The following VPS39 variants were observed in gnomAD, a reference collection of about 807,000 sequenced individuals.
The protein encoded by VPS39 is VPS39 subunit of HOPS complex, also known as vam6/Vps39-like protein.
Under a neutral mutation model 121.0 loss-of-function variants are expected in VPS39, and 70 were observed. The ratio of observed to expected loss-of-function variants is 0.58; its 90% confidence interval spans 0.48 to 0.71. The LOEUF (loss-of-function observed/expected upper bound fraction) is 0.71, where lower values mean the gene tolerates loss of function less well. Among genes scored for constraint, VPS39 ranks in the 30% least tolerant of loss-of-function variants. The pLI, the probability that VPS39 is intolerant of heterozygous loss-of-function variation, is 0.00. For missense variants in VPS39, 818 were observed against 1,051.5 expected, an observed-to-expected ratio of 0.78 and a Z score of 3.07; for synonymous variants, 378 against 398.1, an observed-to-expected ratio of 0.95 and a Z score of 0.60.
At chr15:42,183,793 G>T (rs1006470125) in intron 8 of VPS39, among the ~76,000 whole-genome samples, 3 of 152,028 alleles carry the variant, frequency 2.0e-5, no homozygotes, top group African/African-American at 7.3e-5. Context: ...CTTTATCCAA[G>T]ACTGTAACCC....
intron 11 of VPS39, 90 bp downstream of exon 11, chr15:42,173,633 A>T: frequency 6.6e-7 from 1 of 1,522,552 alleles, no homozygotes; most frequent in East Asian, 2.3e-5. Context: ...AACCTTCTCC[A>T]TTCTCAGAAG....
chr15:42,207,516 T>C (rs1004657565), intron 1 of VPS39, among the ~76,000 whole-genome samples: 2 of 152,200 alleles, frequency 1.3e-5, no homozygotes, highest in Admixed American at 6.5e-5. Context: ...TTAGGTAACT[T>C]GGACACTTTG....
chr15:42,185,146 G>A (rs994545947), intron 7 of VPS39, among the ~76,000 whole-genome samples: 1 of 150,858 alleles, frequency 6.6e-6, no homozygotes, highest in African/African-American at 2.4e-5. Context: ...TGTCTTAGAT[G>A]CTTATTCAAA....
chr15:42,176,364 T>G (rs2049451591), intron 10 of VPS39, among the ~76,000 whole-genome samples: 1 of 152,098 alleles, frequency 6.6e-6, no homozygotes, highest in Non-Finnish European at 1.5e-5. Flanking sequence ...ATATATATTT[T>G]AAACGTATAC....
At chr15:42,174,933 C>A (rs920728604) in intron 10 of VPS39, among the ~76,000 whole-genome samples, 6 of 151,960 alleles carry the variant, frequency 3.9e-5, no homozygotes, top group Admixed American at 2.6e-4. Context: ...AAGATCACGC[C>A]ACTGTACTCC....
chr15:42,163,867 G>A (rs1302352355), intron 19 of VPS39, 139 bp from the exon 20 acceptor site: 1 of 645,800 alleles, frequency 1.5e-6, no homozygotes, highest in Non-Finnish European at 2.6e-6. Context: ...TTTCTTCAAG[G>A]AGAAAATAAC....
chr15:42,186,361 A>T (rs967108162), intron 7 of VPS39, among the ~76,000 whole-genome samples: 4 of 151,958 alleles, frequency 2.6e-5, no homozygotes, highest in African/African-American at 9.7e-5. Flanking sequence ...GGACTGCTTG[A>T]GCCCAGGAGA....
At chr15:42,179,602 TAAATAAATA>T (rs1187950133) in intron 8 of VPS39, among the ~76,000 whole-genome samples, 2,246 of 120,222 alleles carry the variant, frequency 0.019, 75 homozygotes, top group African/African-American at 0.066. Context: ...AATAAATAAA[TAAATAAATA>T]AATAAATAAA....
chr15:42,170,189 A>C (rs1323333650), intron 11 of VPS39, among the ~76,000 whole-genome samples: 1 of 152,170 alleles, frequency 6.6e-6, no homozygotes, highest in Non-Finnish European at 1.5e-5. Context: ...AGTAGAAGAG[A>C]TCAAGAGACT....
chr15:42,192,260 A>T (rs1237752597), intron 2 of VPS39, among the ~76,000 whole-genome samples: 2 of 152,176 alleles, frequency 1.3e-5, no homozygotes, highest in Admixed American at 1.3e-4. Context: ...CAATAACTAC[A>T]TACTGGGTTC....
chr15:42,193,784 CTAACTT>C (rs1215348550), intron 2 of VPS39, among the ~76,000 whole-genome samples: 1 of 151,300 alleles, frequency 6.6e-6, no homozygotes, highest in Non-Finnish European at 1.5e-5. Context: ...CTTAAAAGCT[CTAACTT>C]TATCATTCAC....
chr15:42,192,863 C>A (rs1013110903), intron 2 of VPS39, among the ~76,000 whole-genome samples: 12 of 152,050 alleles, frequency 7.9e-5, no homozygotes, highest in African/African-American at 2.9e-4. Context: ...ACTGCAACAT[C>A]CACCTCCCGG....
At position 42,182,786 on chromosome 15, in the gene VPS39, A is replaced by G. The variant is rs571568983; in HGVS notation, c.718+1731T>C. ...CTTTCTTCAGCAGTAAGACACAGAC[A>G]TGGTTTTGAGAAGCACTGATGAAGG... On this transcript the variant is annotated intron_variant, in intron 8 of 24. Transcript: ENST00000318006. 1.1e-4 allele frequency among the ~76,000 whole-genome samples: 16 copies of G among 152,238 alleles called. 1 individual carries two copies. Among genetic ancestry groups the G allele is most frequent in the Non-Finnish European group, 2.4e-4 (16 of 68,038 alleles).
chr15:42,178,844 C>T (rs1286542027), intron 8 of VPS39: 1 of 355,854 alleles, frequency 2.8e-6, no homozygotes, highest in African/African-American at 2.0e-5. Context: ...TCAACAAAAA[C>T]ATTTATTAAA....
intron 12 of VPS39, 136 bp from the exon 13 acceptor site, chr15:42,167,673 C>A (rs574254166): frequency 4.5e-6 from 5 of 1,116,588 alleles, no homozygotes; most frequent in East Asian, 4.9e-5. Context: ...ATTTTTAGCA[C>A]TGCCAAATTG....
Position 42,187,269 on chromosome 15 carries a change from A to G in VPS39, c.534+2T>C. On this transcript the variant is annotated splice_donor_variant, in intron 7 of 24. Coordinates refer to ENST00000318006, the MANE Select transcript of VPS39 (RefSeq NM_015289.5). LOFTEE classifies it high-confidence loss of function. Reference sequence around the variant, plus strand: ...GATATTTGCAAAATAATAAGATTTTACCCTTATTAGGTAGTAGTCTCTCTT... The same window carrying G: ...GATATTTGCAAAATAATAAGATTTTGCCCTTATTAGGTAGTAGTCTCTCTT... 1 of 1,598,486 alleles carries G rather than the reference A, an allele frequency of 6.3e-7. No homozygotes were observed.
At chr15:42,182,497 T>C (rs1260600185) in intron 8 of VPS39, among the ~76,000 whole-genome samples, 1 of 152,220 alleles carries the variant, frequency 6.6e-6, no homozygotes, top group Non-Finnish European at 1.5e-5. Context: ...AAATAATGAC[T>C]GACCAGGATA....
At chr15:42,161,972 G>A in intron 23 of VPS39, 60 bp downstream of exon 23, 3 of 1,609,054 alleles carry the variant, frequency 1.9e-6, no homozygotes, top group Non-Finnish European at 2.5e-6. Context: ...GGAACATGTG[G>A]ACATTGTCTC....
In VPS39 at chr15:42,163,606, G is replaced by A; in HGVS notation, c.2129+20C>T. 1 of 1,604,328 alleles carries A rather than the reference G, an allele frequency of 6.2e-7. No homozygotes were observed. The highest frequency in any genetic ancestry group is 8.5e-7 in the Non-Finnish European group (1 of 1,172,994). On this transcript the variant is annotated intron_variant, in intron 20 of 24. Coordinates refer to ENST00000318006, the MANE Select transcript of VPS39 (RefSeq NM_015289.5). Reference sequence around the variant, plus strand: ...CTGCTTTTAGACTGCTTAGGAGGTGGGATGTTGGGGCAAACTTACTCCTCA... The same window carrying A: ...CTGCTTTTAGACTGCTTAGGAGGTGAGATGTTGGGGCAAACTTACTCCTCA...
Sources: allele counts gnomAD v4.1 joint callset (sites outside exome capture counted in the v4.1 genomes callset), GRCh38; gene constraint gnomAD v4.1.1; transcripts MANE v1.5; gene names NCBI Gene and HGNC (gene_info 2026-07-23, HGNC 2026-07-21).